The following TPD52 variants were observed in gnomAD, a reference collection of about 807,000 sequenced individuals.
The protein encoded by TPD52 is prostate and colon associated protein.
TPD52 carries 17 observed loss-of-function variants against 31.3 expected under a neutral mutation model. The ratio of observed to expected loss-of-function variants is 0.54; its 90% CI spans 0.37 to 0.82. The LOEUF is 0.82. Among genes scored for constraint, TPD52 ranks in the 40% least tolerant of loss-of-function variants. TPD52 has a pLI of 0.00. For synonymous variants in TPD52, 83 were observed against 89.6 expected (o/e 0.93, Z 0.42); for missense variants, 212 against 240.1 (o/e 0.88, Z 0.77).
chr8:80,167,755 C>T (rs1811809684), intron 1 of TPD52, among the ~76,000 whole-genome samples: 1 of 152,054 alleles, frequency 6.6e-6, no homozygotes, highest in Non-Finnish European at 1.5e-5. Context: ...TTTTTTGAAG[C>T]CTTTCCTCTC....
intron 1 of TPD52, among the ~76,000 whole-genome samples, chr8:80,140,380 G>A (rs910705251): frequency 8.5e-5 from 13 of 152,146 alleles, no homozygotes; most frequent in African/African-American, 2.2e-4. Context: ...TATTAGAACC[G>A]GAACCACTGG....
intron 1 of TPD52, among the ~76,000 whole-genome samples, chr8:80,135,444 T>C (rs1246849453): frequency 6.6e-6 from 1 of 152,002 alleles, no homozygotes; most frequent in Non-Finnish European, 1.5e-5. Flanking sequence ...CCCAGGAGAG[T>C]TAGAGCTCTG....
rs201585864 is a variant in TPD52, at chr8:80,171,405, C to G, written c.19+20G>C. On this transcript the variant is annotated intron_variant, in intron 1 of 7. Transcript: ENST00000518937. ...CCGAGTCCAAGCCCGAGCCCAAGCC[C>G]GCTGGGTCCGCGCCCTCACCTTGCT... The G allele has an allele frequency of 1.3e-6, 2 of 1,596,342 alleles. No individual in the cohort carries two copies. Among genetic ancestry groups the G allele is most frequent in the Non-Finnish European group, 1.7e-6 (2 of 1,177,906 alleles).
In TPD52 at chr8:80,051,509, G is replaced by C. The variant is rs775992956; in HGVS notation, c.386+18C>G. 9.9e-6 allele frequency: 16 copies of C among 1,610,232 alleles called. No homozygotes were observed. The highest frequency in any genetic ancestry group is 1.3e-5 in the Non-Finnish European group (15 of 1,176,772). On this transcript the variant is annotated intron_variant, in intron 4 of 7. Coordinates refer to ENST00000518937, the MANE Select transcript of TPD52 (RefSeq NM_001025253.3). Reference sequence around the variant, plus strand: ...TTTGCGTCAGCTACTTAATGAGCAAGGAAAAATGAGGACATACTTTACATC... The same window carrying C: ...TTTGCGTCAGCTACTTAATGAGCAACGAAAAATGAGGACATACTTTACATC...
chr8:80,115,770 T>C (rs1445885186), intron 1 of TPD52, among the ~76,000 whole-genome samples: 1 of 152,234 alleles, frequency 6.6e-6, no homozygotes, highest in African/African-American at 2.4e-5. Context: ...TACCGTGTGA[T>C]ACATGGCAGT....
rs1023386550 is a variant in TPD52 at position 80,108,346 on chromosome 8, G to A, written c.20-43753C>T. On this transcript the variant is annotated intron_variant, in intron 1 of 7. Coordinates refer to ENST00000518937, the MANE Select transcript of TPD52 (RefSeq NM_001025253.3). ...AAAGTTTAAAACTTTTTGAAATTAT[G>A]TTTTATAAAATGTCTACAGTCATAA... Among the ~76,000 whole-genome samples, 3 of 152,236 alleles carry A rather than the reference G, an allele frequency of 2.0e-5. No individual in the cohort carries two copies. The East Asian group carries it at 5.8e-4, about 29-fold the overall frequency.
intron 1 of TPD52, among the ~76,000 whole-genome samples, chr8:80,096,981 C>T (rs530167466): frequency 6.6e-5 from 10 of 152,262 alleles, no homozygotes; most frequent in Non-Finnish European, 7.4e-5. Context: ...AAAACCAGAC[C>T]GCCTGCACCT....
At chr8:80,041,304 T>C (rs982270986) in intron 7 of TPD52, among the ~76,000 whole-genome samples, 2 of 152,034 alleles carry the variant, frequency 1.3e-5, no homozygotes, top group Admixed American at 6.6e-5. Context: ...AAAAAATAAA[T>C]TAAAAAAAGA....
chr8:80,083,579 T>C (rs1272976302), intron 1 of TPD52, among the ~76,000 whole-genome samples: 1 of 151,718 alleles, frequency 6.6e-6, no homozygotes, highest in Non-Finnish European at 1.5e-5. Flanking sequence ...TGGGCACTCA[T>C]TCTCTCTCCC....
At chr8:80,080,610 T>G in intron 1 of TPD52, 1 of 1,381,250 alleles carries the variant, frequency 7.2e-7, no homozygotes, top group Non-Finnish European at 9.3e-7. Flanking sequence ...GTGCCAGCAT[T>G]TCCTTTTGGG....
chr8:80,146,289 G>C (rs1249356792), intron 1 of TPD52, among the ~76,000 whole-genome samples: 2 of 152,216 alleles, frequency 1.3e-5, no homozygotes, highest in East Asian at 3.8e-4. Context: ...TTGTTGCTAA[G>C]GGCAATTCTT....
At chr8:80,143,563 C>A (rs1465381573) in intron 1 of TPD52, among the ~76,000 whole-genome samples, 1 of 151,590 alleles carries the variant, frequency 6.6e-6, no homozygotes. Context: ...AACTCATATG[C>A]TAGCATCCAC....
intron 1 of TPD52, among the ~76,000 whole-genome samples, chr8:80,081,156 CTTTTTTTTTT>C (rs5892705): frequency 2.7e-5 from 3 of 109,394 alleles, no homozygotes; most frequent in African/African-American, 3.7e-5. Context: ...TTTTCTCTCT[CTTTTTTTTTT>C]TTTTTTTTTT....
chr8:80,147,056 C>T (rs1810246135), intron 1 of TPD52, among the ~76,000 whole-genome samples: 1 of 152,088 alleles, frequency 6.6e-6, no homozygotes, highest in Admixed American at 6.6e-5. Flanking sequence ...GGTGTGAGGT[C>T]TTGTTTTAAC....
At position 80,160,855 on chromosome 8, in the gene TPD52, G is replaced by A. The variant is rs1249260390; in HGVS notation, c.19+10570C>T. Among the ~76,000 whole-genome samples the A allele has an allele frequency of 4.1e-5, 5 of 121,018 alleles. No homozygotes were observed. The South Asian group carries it at 1.1e-3, about 27-fold the overall frequency. The allele number at this position is 121,018 out of a possible 152,430, so 79.4% of individuals were successfully genotyped here. A position where few individuals can be genotyped will look rare whatever the true frequency, so the allele number is the denominator to read the frequency against. On this transcript the variant is annotated intron_variant, in intron 1 of 7. Transcript: ENST00000518937. Reference sequence around the variant, plus strand: ...GCTCAGGAGTTCGAGACCAGCCTGGGAAACGAGGCAAAACACCATCTCTAC... The same window carrying A: ...GCTCAGGAGTTCGAGACCAGCCTGGAAAACGAGGCAAAACACCATCTCTAC...
rs188464505 is a variant in TPD52 at position 80,154,257 on chromosome 8, C to T, written c.19+17168G>A. 5.7e-3 allele frequency among the ~76,000 whole-genome samples: 865 copies of T among 152,320 alleles called. 4 individuals are homozygous for T. Among genetic ancestry groups the T allele is most frequent in the African/African-American group, 0.019 (789 of 41,582 alleles). ...ACAGAGAAGCAACGGGCCCTGTTGTCCCCCATGGGGAGTATCAGGAGGGCT... is the reference window on the plus strand; with the variant it reads ...ACAGAGAAGCAACGGGCCCTGTTGTTCCCCATGGGGAGTATCAGGAGGGCT... On this transcript the variant is annotated intron_variant, in intron 1 of 7. Transcript: ENST00000518937.
intron 1 of TPD52, among the ~76,000 whole-genome samples, chr8:80,159,999 T>G (rs1212379767): frequency 1.3e-5 from 2 of 152,160 alleles, no homozygotes; most frequent in Admixed American, 1.3e-4. Flanking sequence ...GAGACCAGTC[T>G]GGGCAACATA....
chr8:80,138,721 C>A (rs2131129116), intron 1 of TPD52, among the ~76,000 whole-genome samples: 1 of 152,238 alleles, frequency 6.6e-6, no homozygotes. Context: ...GCTTTGGTTC[C>A]TAATTGAGCT....
intron 1 of TPD52, among the ~76,000 whole-genome samples, chr8:80,117,452 T>C (rs977385437): frequency 6.6e-6 from 1 of 152,118 alleles, no homozygotes; most frequent in Non-Finnish European, 1.5e-5. Flanking sequence ...CTACAAAATA[T>C]GGCTGAAAGA....
Sources: gnomAD v4.1 joint callset for allele counts (sites outside exome capture counted in the v4.1 genomes callset) on GRCh38, gnomAD v4.1.1 for gene constraint, MANE v1.5 for transcripts, NCBI Gene and HGNC (gene_info 2026-07-23, HGNC 2026-07-21) for gene names.